The following RSPO2 variants were observed in gnomAD, a reference collection of about 807,000 sequenced individuals.
RSPO2 encodes R-spondin 2.
RSPO2 carries 14 observed loss-of-function variants against 30.9 expected under a neutral mutation model. The ratio of observed to expected loss-of-function variants is 0.45; its 90% CI spans 0.30 to 0.71. The LOEUF (loss-of-function observed/expected upper bound fraction) is 0.71. Ranked by LOEUF, RSPO2 falls within the 30% of genes least tolerant of loss-of-function variation. RSPO2 has a pLI of 0.08. For missense variants in RSPO2, 264 were observed against 301.9 expected (o/e 0.87, Z 0.93); for synonymous variants, 107 against 96.4 (o/e 1.11, Z -0.64).
chr8:107,975,457 C>T (rs566163272), intron 3 of RSPO2, among the ~76,000 whole-genome samples: 10 of 152,192 alleles, frequency 6.6e-5, no homozygotes, highest in Admixed American at 4.6e-4. Context: ...AACTTCTCTA[C>T]GCCTCAGTTC....
chr8:107,985,054 G>C (rs182525144), intron 3 of RSPO2, among the ~76,000 whole-genome samples: 1 of 152,252 alleles, frequency 6.6e-6, no homozygotes. Flanking sequence ...GGGGAGCAGT[G>C]ACTCTGGTAA....
At chr8:107,983,096 C>A in intron 3 of RSPO2, 2 of 1,382,284 alleles carry the variant, frequency 1.4e-6, no homozygotes, top group Non-Finnish European at 9.9e-7. Context: ...CTTCCTAAGG[C>A]CGCCGCTTAC....
At chr8:107,903,073 T>C (rs1240492031) in intron 5 of RSPO2, among the ~76,000 whole-genome samples, 2 of 152,118 alleles carry the variant, frequency 1.3e-5, no homozygotes, top group Non-Finnish European at 1.5e-5. Flanking sequence ...AAATATTTAA[T>C]ACAAAATATA....
rs530693095 is a variant in RSPO2 at position 107,929,821 on chromosome 8, C to T, written c.616+28259G>A. On this transcript the variant is annotated intron_variant, in intron 5 of 5. Coordinates refer to ENST00000276659, the MANE Select transcript of RSPO2 (RefSeq NM_178565.5). Reference sequence around the variant, plus strand: ...AGGTTTTCTACCATGAAGAAAAATGCAAAGCAATTCCGTCTGTATTTATTA... The same window carrying T: ...AGGTTTTCTACCATGAAGAAAAATGTAAAGCAATTCCGTCTGTATTTATTA... Among the ~76,000 whole-genome samples the T allele has an allele frequency of 3.9e-5, 6 of 152,166 alleles. No homozygotes were observed. In the South Asian group the frequency reaches 1.2e-3, roughly 32 times the overall value.
intron 2 of RSPO2, among the ~76,000 whole-genome samples, chr8:108,070,539 G>A (rs369182981): frequency 6.5e-4 from 98 of 151,870 alleles, no homozygotes; most frequent in African/African-American, 9.2e-4. Flanking sequence ...TGATCCACCC[G>A]CCTCGGCCTC....
chr8:107,931,796 G>A (rs773439636), intron 5 of RSPO2, among the ~76,000 whole-genome samples: 73 of 152,082 alleles, frequency 4.8e-4, no homozygotes, highest in Non-Finnish European at 7.5e-4. Context: ...CTAAGATATT[G>A]TACACACAAA....
intron 2 of RSPO2, among the ~76,000 whole-genome samples, chr8:108,039,422 T>C (rs1279042020): frequency 6.6e-6 from 1 of 152,070 alleles, no homozygotes; most frequent in African/African-American, 2.4e-5. Context: ...GGGGTGAAAA[T>C]GAAGCACAGA....
chr8:108,057,848 T>G (rs993123153), intron 2 of RSPO2, among the ~76,000 whole-genome samples: 3 of 152,234 alleles, frequency 2.0e-5, no homozygotes, highest in African/African-American at 4.8e-5. Flanking sequence ...TTTGCTGAAG[T>G]TGCTTATCAG....
At chr8:107,905,164 GCT>G (rs1357210740) in intron 5 of RSPO2, among the ~76,000 whole-genome samples, 1 of 151,998 alleles carries the variant, frequency 6.6e-6, no homozygotes, top group African/African-American at 2.4e-5. Context: ...GTCTTCAAAT[GCT>G]CTCTTTCCTC....
intron 2 of RSPO2, among the ~76,000 whole-genome samples, chr8:107,992,174 TACACACAC>T (rs35054419): frequency 4.2e-5 from 6 of 142,068 alleles, no homozygotes; most frequent in African/African-American, 1.3e-4. Flanking sequence ...GAAAATGTGA[TACACACAC>T]ACACACACAC....
At chr8:108,005,974 A>G (rs1815440855) in intron 2 of RSPO2, among the ~76,000 whole-genome samples, 2 of 152,210 alleles carry the variant, frequency 1.3e-5, no homozygotes, top group African/African-American at 4.8e-5. Flanking sequence ...GGAGTCACTC[A>G]ATACTTGAAT....
chr8:108,082,872 G>A (rs1172249965), intron 1 of RSPO2, 65 bp from the exon 2 acceptor site: 6 of 498,388 alleles, frequency 1.2e-5, no homozygotes, highest in Middle Eastern at 5.1e-4. Flanking sequence ...AGGCAGCTGC[G>A]CCTTCGCACG....
chr8:108,013,838 A>G (rs1425614079), intron 2 of RSPO2, among the ~76,000 whole-genome samples: 4 of 152,220 alleles, frequency 2.6e-5, no homozygotes, highest in Non-Finnish European at 4.4e-5. Flanking sequence ...AACAAAAGCC[A>G]AATTGACAAA....
chr8:107,951,528 T>G (rs896900311), intron 5 of RSPO2, among the ~76,000 whole-genome samples: 1 of 152,158 alleles, frequency 6.6e-6, no homozygotes, highest in Non-Finnish European at 1.5e-5. Context: ...TTTATATATT[T>G]TATATTACCA....
At chr8:107,941,335 C>G (rs556079838) in intron 5 of RSPO2, among the ~76,000 whole-genome samples, 168 of 152,228 alleles carry the variant, frequency 1.1e-3, no homozygotes, top group Middle Eastern at 0.01. Context: ...GGTCTAGGAA[C>G]TTGGGTGTTA....
chr8:108,052,640 T>C (rs1812110205), intron 2 of RSPO2, among the ~76,000 whole-genome samples: 1 of 152,154 alleles, frequency 6.6e-6, no homozygotes, highest in Non-Finnish European at 1.5e-5. Context: ...CAGCTAATGG[T>C]CACCGCACAC....
At chr8:107,963,655 G>A (rs1004108757) in intron 3 of RSPO2, among the ~76,000 whole-genome samples, 4 of 151,588 alleles carry the variant, frequency 2.6e-5, no homozygotes, top group Non-Finnish European at 5.9e-5. Flanking sequence ...GGAGGGGATA[G>A]TAGAATTTTG....
chr8:108,069,611 C>T (rs898888222), intron 2 of RSPO2, among the ~76,000 whole-genome samples: 1 of 152,100 alleles, frequency 6.6e-6, no homozygotes, highest in Non-Finnish European at 1.5e-5. Flanking sequence ...TTTTTGTAAC[C>T]AGTCATCCCA....
intron 2 of RSPO2, among the ~76,000 whole-genome samples, chr8:108,014,098 C>G (rs1012562371): frequency 6.6e-6 from 1 of 152,174 alleles, no homozygotes; most frequent in African/African-American, 2.4e-5. Flanking sequence ...AAAACCTCAT[C>G]ATCACTGGTC....
Sources: allele counts gnomAD v4.1 joint callset (sites outside exome capture counted in the v4.1 genomes callset), GRCh38; gene constraint gnomAD v4.1.1; transcripts MANE v1.5; gene names NCBI Gene and HGNC (gene_info 2026-07-23, HGNC 2026-07-21).